The following LRRC37A3 variants were observed in gnomAD, a reference collection of about 807,000 sequenced individuals.
LRRC37A3 encodes leucine rich repeat containing 37 member A3.
LRRC37A3 carries 25 observed loss-of-function variants against 106.2 expected under a neutral mutation model. The ratio of observed to expected loss-of-function variants is 0.24; its 90% CI spans 0.17 to 0.33. LRRC37A3 has a LOEUF of 0.33. LRRC37A3 is among the 10% of genes least tolerant of loss of function. The probability of loss-of-function intolerance (pLI) is 1.00; values close to 1 mark genes in which losing one functional copy is unlikely to be tolerated. For synonymous variants in LRRC37A3, 305 were observed against 635.8 expected (o/e 0.48, Z 7.83); for missense variants, 712 against 1,644.9 (o/e 0.43, Z 9.81).
Position 64,858,761 on chromosome 17 carries a change from A to G in LRRC37A3, c.4809+18T>C. 1.3e-6 allele frequency: 2 copies of G among 1,578,540 alleles called. No homozygotes were observed. Among genetic ancestry groups the G allele is most frequent in the Non-Finnish European group, 1.7e-6 (2 of 1,148,088 alleles). ...ACAGGACTGCATTCTGAAAACCTGA[A>G]TTAATTATTGTCCTTACCTCAATGA... On this transcript the variant is annotated intron_variant, in intron 13 of 14. Coordinates refer to ENST00000584306, the MANE Select transcript of LRRC37A3 (RefSeq NM_199340.5).
chr17:64,865,155 T>C (rs1469838536), intron 10 of LRRC37A3, among the ~76,000 whole-genome samples: 1 of 152,226 alleles, frequency 6.6e-6, no homozygotes, highest in East Asian at 1.9e-4. Flanking sequence ...GTTTCTTTTG[T>C]TTATTTTGAG....
chr17:64,859,488 T>A lies in LRRC37A3; in HGVS notation c.4658A>T (p.Asn1553Ile). ...TTCACTCTGGGCTTCTGTGCTCTCA[T>A]TAATGTAGTTCTCAGTCTTCCATTG... ...TDQWKTENYINESTEAQSEQK... is the reference protein window; with the variant it reads ...TDQWKTENYIIESTEAQSEQK... Residue 1553 changes from asparagine (N) to isoleucine (I), a missense_variant, in exon 12 of 15, where the codon AAT (asparagine) becomes ATT (isoleucine). Coordinates refer to ENST00000584306, the MANE Select transcript of LRRC37A3 (RefSeq NM_199340.5). 1 of 1,611,776 alleles carries A rather than the reference T, an allele frequency of 6.2e-7. No individual in the cohort carries two copies. The highest frequency in any genetic ancestry group is 8.5e-7 in the Non-Finnish European group (1 of 1,179,738).
intron 10 of LRRC37A3, among the ~76,000 whole-genome samples, chr17:64,866,606 ATATATATATATATATATATATATT>A (rs1197469611): frequency 5.5e-5 from 1 of 18,058 alleles, no homozygotes; most frequent in African/African-American, 3.8e-4. Flanking sequence ...ATATATATAT[ATATATATATATATATATATATATT>A]TTTTTTTTTT....
Position 64,860,683 on chromosome 17 carries a change from G to T in LRRC37A3, c.3463C>A (p.Gln1155Lys). 1 of 1,613,992 alleles carries T rather than the reference G, an allele frequency of 6.2e-7. No homozygotes were observed. Among genetic ancestry groups the T allele is most frequent in the Non-Finnish European group, 8.5e-7 (1 of 1,179,872 alleles). The change falls in exon 12 of 15, where the codon CAA becomes AAA. Residue 1155 changes from glutamine to lysine, a missense_variant. Physicochemically the swap from Gln to Lys is moderately conservative, Grantham distance 53 (BLOSUM62 1). Coordinates refer to ENST00000584306, the MANE Select transcript of LRRC37A3 (RefSeq NM_199340.5). ...PTTGNSLAKI[Q>K]TVGKNRQRLN... ...CTCTGCCGGTTTTTGCCTACAGTTTGAATCTTTGCCAGGCTGTTTCCTGTG... is the reference window on the plus strand; with the variant it reads ...CTCTGCCGGTTTTTGCCTACAGTTTTAATCTTTGCCAGGCTGTTTCCTGTG...
intron 2 of LRRC37A3, among the ~76,000 whole-genome samples, chr17:64,904,138 CAAA>C (rs112214563): frequency 7.4e-6 from 1 of 136,004 alleles, no homozygotes; most frequent in Non-Finnish European, 1.6e-5. Flanking sequence ...GACTCTGCTT[CAAA>C]AAAAAAAAAA....
intron 10 of LRRC37A3, among the ~76,000 whole-genome samples, chr17:64,864,930 G>A (rs1238294821): frequency 1.3e-5 from 2 of 152,184 alleles, no homozygotes; most frequent in Non-Finnish European, 2.9e-5. Flanking sequence ...GATACAAGAA[G>A]TCTATGAGTT....
intron 10 of LRRC37A3, among the ~76,000 whole-genome samples, chr17:64,864,998 C>T (rs115964692): frequency 0.013 from 1,940 of 152,238 alleles, 41 homozygotes; most frequent in African/African-American, 0.045. Context: ...TGGCCTGACA[C>T]ATCTTTCAAA....
chr17:64,874,420 C>T (rs1253833849), intron 8 of LRRC37A3, among the ~76,000 whole-genome samples: 8 of 151,616 alleles, frequency 5.3e-5, no homozygotes, highest in South Asian at 4.2e-4. Flanking sequence ...GCAGTCGCCC[C>T]GTCTGAGAAG....
chr17:64,874,292 G>T (rs530508564), intron 8 of LRRC37A3, among the ~76,000 whole-genome samples: 2 of 151,712 alleles, frequency 1.3e-5, no homozygotes, highest in Non-Finnish European at 3.0e-5. Flanking sequence ...GCCTCTGCCC[G>T]GCCGCGACCC....
At chr17:64,863,610 T>C (rs1972953670) in intron 10 of LRRC37A3, 1 of 153,464 alleles carries the variant, frequency 6.5e-6, no homozygotes, top group Admixed American at 6.5e-5. Context: ...TCTTCTTCAA[T>C]GAAATAATGC....
At chr17:64,863,272 T>C in intron 10 of LRRC37A3, 1 of 506,894 alleles carries the variant, frequency 2.0e-6, no homozygotes, top group Non-Finnish European at 3.5e-6. Context: ...TGATTAGTAG[T>C]TTCAGAAGTA....
Position 64,859,875 on chromosome 17 carries a change from T to G in LRRC37A3, c.4271A>C (p.Glu1424Ala). 1 of 1,613,208 alleles carries G rather than the reference T, an allele frequency of 6.2e-7. No individual in the cohort carries two copies. Among genetic ancestry groups the G allele is most frequent in the South Asian group, 1.1e-5 (1 of 91,022 alleles). Residue 1424 changes from glutamate to alanine, a missense_variant, in exon 12 of 15, where the codon GAG becomes GCG. Physicochemically the swap from Glu to Ala is moderately radical, Grantham distance 107 (BLOSUM62 -1). Transcript: ENST00000584306. ...GAATGCAGTCCCAGCGGAATCTGCC[T>G]CAGGAGGATGATTGTAGTTTGTGTT... ...SENTNYNHPP[E>A]ADSAGTAFNL...
chr17:64,873,842 C>T (rs1295652579), intron 8 of LRRC37A3, among the ~76,000 whole-genome samples: 1 of 152,066 alleles, frequency 6.6e-6, no homozygotes, highest in African/African-American at 2.4e-5. Context: ...ATGAGCATCC[C>T]AGGAGAAGAA....
rs1266943057 is a variant in LRRC37A3 at position 64,860,637 on chromosome 17, C to A, written c.3509G>T (p.Gly1170Val). Reference protein sequence around the residue: ...NRQRLNRVLMGPRSIQKRHFK... With the variant: ...NRQRLNRVLMVPRSIQKRHFK... ...GTGCCTTTTCTGGATGCTCCTTGGG[C>A]CCATGAGGACTCTATTCAGTCTCTG... is the stretch of plus-strand genomic sequence containing the variant. Residue 1170 changes from glycine to valine, a missense_variant, in exon 12 of 15, where the codon GGC becomes GTC. Coordinates refer to ENST00000584306, the MANE Select transcript of LRRC37A3 (RefSeq NM_199340.5). The A allele has an allele frequency of 6.2e-7, 1 of 1,613,954 alleles. No homozygotes were observed. The highest frequency in any genetic ancestry group is 1.7e-5 in the Admixed American group (1 of 60,008).
At chr17:64,866,624 ATATATTT>A (rs1388222938) in intron 10 of LRRC37A3, among the ~76,000 whole-genome samples, 1 of 23,910 alleles carries the variant, frequency 4.2e-5, no homozygotes, top group African/African-American at 2.3e-4. Flanking sequence ...ATATATATAT[ATATATTT>A]TTTTTTTTTT....
At chr17:64,872,387 T>A (rs1262992439) in intron 8 of LRRC37A3, among the ~76,000 whole-genome samples, 1 of 152,120 alleles carries the variant, frequency 6.6e-6, no homozygotes, top group Non-Finnish European at 1.5e-5. Context: ...GTAGTCGCCT[T>A]GAAAAACAGC....
rs1567779432 is a variant in LRRC37A3 at position 64,895,443 on chromosome 17, GC to G, written c.1814del (p.Ser605ThrfsTer31). 1.5e-6 allele frequency: 1 copy of G among 650,612 alleles called. No homozygotes were observed. The allele number at this position is 650,612 out of a possible 1,614,324, so 40.3% of individuals were successfully genotyped here. On this transcript the variant is annotated frameshift_variant, in exon 4 of 15. Transcript: ENST00000584306. LOFTEE classifies it high-confidence loss of function. ...CCAGGTCCAAAAGTTGAACTGTAAC[GC>G]TGGGTGACACTGGATGCTGAGCTTG... ...QDQAQHPVSP[S>X]VTVQLLDLGL...
intron 10 of LRRC37A3, among the ~76,000 whole-genome samples, chr17:64,867,591 C>A (rs1457882365): frequency 6.6e-6 from 1 of 150,762 alleles, no homozygotes; most frequent in African/African-American, 2.4e-5. Context: ...ATGGTATGTA[C>A]ATAATTATAC....
chr17:64,915,508 T>C (rs1017357410), intron 2 of LRRC37A3, among the ~76,000 whole-genome samples: 20 of 152,368 alleles, frequency 1.3e-4, no homozygotes, highest in African/African-American at 4.8e-4. Context: ...CTGCTTTCAT[T>C]GCTACAATGG....
Sources: allele counts gnomAD v4.1 joint callset (sites outside exome capture counted in the v4.1 genomes callset), GRCh38; gene constraint gnomAD v4.1.1; transcripts MANE v1.5; gene names NCBI Gene and HGNC (gene_info 2026-07-23, HGNC 2026-07-21).